Variants in ERLIN1 observed in about 807,000 individuals in gnomAD.
ERLIN1 encodes the protein ER lipid raft associated 1.
A neutral mutation model predicts 46.9 loss-of-function variants in ERLIN1; 24 were observed. The observed-to-expected ratio is 0.51, with a 90% CI of 0.37 to 0.72. ERLIN1 has a LOEUF of 0.72. ERLIN1 is among the 30% of genes least tolerant of loss of function. The pLI is 0.00. For synonymous variants in ERLIN1, 158 were observed against 143.2 expected (o/e 1.10, Z -0.74); for missense variants, 293 against 417.9 (o/e 0.70, Z 2.61).
rs1589567354 is a variant in ERLIN1, at chr10:100,185,913, G to A, written c.-287C>T. On this transcript the variant is annotated 5_prime_UTR_variant, in exon 1 of 11. Coordinates refer to ENST00000421367, the MANE Select transcript of ERLIN1 (RefSeq NM_006459.4). Reference sequence around the variant, plus strand: ...GGTGGAAGGCACTAACTGAGAAGAAGCCCAGCCGCAGGCTCGCGAGGAAAG... The same window carrying A: ...GGTGGAAGGCACTAACTGAGAAGAAACCCAGCCGCAGGCTCGCGAGGAAAG... 1 of 457,328 alleles carries A rather than the reference G, an allele frequency of 2.2e-6. No homozygotes were observed. The allele number at this position is 457,328 out of a possible 1,614,324, so 28.3% of individuals were successfully genotyped here.
At chr10:100,172,331 G>A (rs544678008) in intron 6 of ERLIN1, among the ~76,000 whole-genome samples, 2 of 152,278 alleles carry the variant, frequency 1.3e-5, no homozygotes, top group African/African-American at 4.8e-5. Context: ...GAATAGTCGA[G>A]AAAGATATAA....
At position 100,167,347 on chromosome 10, in the gene ERLIN1, C is replaced by T. The variant is rs1161698243; in HGVS notation, c.563+1G>A. ...ATTGGGATCCCATGCATATTACTCA[C>T]ATTAACTCAAAATTTCTTCTTATGG... On this transcript the variant is annotated splice_donor_variant, in intron 7 of 10. Coordinates refer to ENST00000421367, the MANE Select transcript of ERLIN1 (RefSeq NM_006459.4). LOFTEE classifies it high-confidence loss of function. The T allele has an allele frequency of 4.4e-6, 7 of 1,608,876 alleles. No individual in the cohort carries two copies. Among genetic ancestry groups the T allele is most frequent in the Non-Finnish European group, 6.0e-6 (7 of 1,175,388 alleles).
intron 2 of ERLIN1, among the ~76,000 whole-genome samples, chr10:100,182,718 T>C (rs1291412904): frequency 2.0e-5 from 3 of 152,148 alleles, no homozygotes; most frequent in African/African-American, 7.2e-5. Flanking sequence ...AAATTTACAA[T>C]ATAGACTTTA....
In ERLIN1 at chr10:100,152,056, G is replaced by T; in HGVS notation, c.*75C>A. 2 of 899,960 alleles carry T rather than the reference G, an allele frequency of 2.2e-6. No individual in the cohort carries two copies. Among genetic ancestry groups the T allele is most frequent in the Non-Finnish European group, 3.7e-6 (2 of 542,092 alleles). 55.7% of individuals were successfully genotyped at this position (899,960 alleles called of 1,614,324 possible). A position where few individuals can be genotyped will look rare whatever the true frequency, so the allele number is the denominator to read the frequency against. On this transcript the variant is annotated 3_prime_UTR_variant, in exon 11 of 11. Coordinates refer to ENST00000421367, the MANE Select transcript of ERLIN1 (RefSeq NM_006459.4). ...AGTGTAAGTTCTCTGTAAATCTGAAGAGTCCGTATAATGATTGTTCCCACT... is the reference window on the plus strand; with the variant it reads ...AGTGTAAGTTCTCTGTAAATCTGAATAGTCCGTATAATGATTGTTCCCACT...
chr10:100,154,458 C>T (rs964220075), intron 10 of ERLIN1, among the ~76,000 whole-genome samples: 16 of 152,306 alleles, frequency 1.1e-4, no homozygotes, highest in African/African-American at 3.8e-4. Flanking sequence ...ATGAGATGGT[C>T]TTCAACAATG....
intron 3 of ERLIN1, 104 bp from the exon 4 acceptor site, chr10:100,178,298 T>G (rs1844432989): frequency 1.4e-6 from 1 of 698,260 alleles, no homozygotes; most frequent in Admixed American, 2.6e-5. Context: ...TAATATTCAC[T>G]TAAAACACAG....
chr10:100,159,316 T>C (rs1166200953), intron 8 of ERLIN1, among the ~76,000 whole-genome samples: 1 of 152,132 alleles, frequency 6.6e-6, no homozygotes, highest in Non-Finnish European at 1.5e-5. Flanking sequence ...AAACCCATGG[T>C]CATAGTGGGA....
Position 100,183,763 on chromosome 10 carries a change from G to A in ERLIN1, c.188C>T (p.Ser63Phe). ...IMLPFITTFRSVQTTLQTDEV... is the reference protein window; with the variant it reads ...IMLPFITTFRFVQTTLQTDEV... Reference sequence around the variant, plus strand: ...CCCCTAGGAATCACTCACCTGCACAGATCTGAACGTAGTAATGAAAGGCAA... The same window carrying A: ...CCCCTAGGAATCACTCACCTGCACAAATCTGAACGTAGTAATGAAAGGCAA... Residue 63 changes from serine to phenylalanine, a missense_variant, in exon 2 of 11, where the codon TCT becomes TTT. This residue lies in a region of ERLIN1 where 76 missense variants were observed against 77.0 expected (regional missense o/e 0.99). Coordinates refer to ENST00000421367, the MANE Select transcript of ERLIN1 (RefSeq NM_006459.4). 6.2e-7 allele frequency: 1 copy of A among 1,611,586 alleles called. No homozygotes were observed. Among genetic ancestry groups the A allele is most frequent in the Non-Finnish European group, 8.5e-7 (1 of 1,177,832 alleles).
chr10:100,183,814 G>A lies in ERLIN1; in HGVS notation c.137C>T (p.Pro46Leu). The A allele has an allele frequency of 6.2e-7, 1 of 1,613,064 alleles. No individual in the cohort carries two copies. Among genetic ancestry groups the A allele is most frequent in the Non-Finnish European group, 8.5e-7 (1 of 1,179,324 alleles). The change falls in exon 2 of 11, where the codon CCC (proline) becomes CTC (leucine). Residue 46 changes from proline (P) to leucine (L), a missense_variant. By Grantham distance (98) the Pro-to-Leu change is moderately conservative (BLOSUM62 -3). This residue lies in a region of ERLIN1 where 76 missense variants were observed against 77.0 expected (regional missense o/e 0.99). Coordinates refer to ENST00000421367, the MANE Select transcript of ERLIN1 (RefSeq NM_006459.4). ...CATGATATGATAGCCTGGTCCACTG[G>A]GGCTAGTTAGTAAAGCTCCTCCCCT... ...YYRGGALLTSPSGPGYHIMLP... is the reference protein window; with the variant it reads ...YYRGGALLTSLSGPGYHIMLP...
rs894269046 is a variant in ERLIN1, at chr10:100,150,751, A to G, written c.*1380T>C. The G allele has an allele frequency of 2.0e-5, 3 of 152,478 alleles. No homozygotes were observed. Among genetic ancestry groups the G allele is most frequent in the Non-Finnish European group, 4.4e-5 (3 of 68,034 alleles). The allele number at this position is 152,478 out of a possible 1,614,324, so 9.4% of individuals were successfully genotyped here. On this transcript the variant is annotated 3_prime_UTR_variant, in exon 11 of 11. Coordinates refer to ENST00000421367, the MANE Select transcript of ERLIN1 (RefSeq NM_006459.4). ...TGAGCTTCAACATAGCGTACACAAGAGTTGTCTTAACAAGCTGCACAAACT... is the reference window on the plus strand; with the variant it reads ...TGAGCTTCAACATAGCGTACACAAGGGTTGTCTTAACAAGCTGCACAAACT...
chr10:100,171,743 C>G (rs1844010155), intron 6 of ERLIN1, among the ~76,000 whole-genome samples: 1 of 152,024 alleles, frequency 6.6e-6, no homozygotes, highest in South Asian at 2.1e-4. Flanking sequence ...TTAGAAAAAC[C>G]ATTAACTACA....
In ERLIN1 at chr10:100,152,028, T is replaced by C; in HGVS notation, c.*103A>G. 1.3e-6 allele frequency: 1 copy of C among 778,296 alleles called. No homozygotes were observed. The highest frequency in any genetic ancestry group is 1.5e-5 in the South Asian group (1 of 68,438). The allele number at this position is 778,296 out of a possible 1,614,324, so 48.2% of individuals were successfully genotyped here. On this transcript the variant is annotated 3_prime_UTR_variant, in exon 11 of 11. Transcript: ENST00000421367. Reference sequence around the variant, plus strand: ...ACTATCGCAGGAGAGGTGGAACAGATGAAGTGTAAGTTCTCTGTAAATCTG... The same window carrying C: ...ACTATCGCAGGAGAGGTGGAACAGACGAAGTGTAAGTTCTCTGTAAATCTG...
At chr10:100,176,105 C>T (rs938234005) in intron 4 of ERLIN1, 35 bp from the exon 5 acceptor site, 1 of 1,585,938 alleles carries the variant, frequency 6.3e-7, no homozygotes, top group Non-Finnish European at 8.6e-7. Flanking sequence ...TTGTTTTACC[C>T]AACAATGACA....
At chr10:100,155,812 C>A (rs1843053777) in intron 9 of ERLIN1, among the ~76,000 whole-genome samples, 1 of 152,214 alleles carries the variant, frequency 6.6e-6, no homozygotes, top group East Asian at 1.9e-4. Context: ...CGGCGCCCGG[C>A]CAGAGATGGG....
At chr10:100,155,971 G>A (rs943709226) in intron 9 of ERLIN1, among the ~76,000 whole-genome samples, 174 bp downstream of exon 9, 2 of 152,192 alleles carry the variant, frequency 1.3e-5, no homozygotes, top group African/African-American at 2.4e-5. Context: ...CCAAAAGCTG[G>A]AAATGTGATA....
intron 6 of ERLIN1, among the ~76,000 whole-genome samples, chr10:100,171,537 C>CT (rs1256869245): frequency 6.6e-6 from 1 of 152,056 alleles, no homozygotes; most frequent in East Asian, 1.9e-4. Context: ...TCCCAAGTAG[C>CT]TGGGACTACA....
At chr10:100,155,458 T>G (rs956278568) in intron 9 of ERLIN1, among the ~76,000 whole-genome samples, 6 of 134,048 alleles carry the variant, frequency 4.5e-5, no homozygotes, top group African/African-American at 1.1e-4. Flanking sequence ...ATTAATTTTG[T>G]TTTTTTTTTG....
chr10:100,154,282 A>G (rs758519544), intron 10 of ERLIN1, among the ~76,000 whole-genome samples: 12 of 152,220 alleles, frequency 7.9e-5, no homozygotes, highest in Non-Finnish European at 1.5e-4. Flanking sequence ...GTTATCCCAC[A>G]TGAAATTCCT....
rs544217885 is a variant in ERLIN1, at chr10:100,151,829, T to C, written c.*302A>G. 1.7e-4 allele frequency: 71 copies of C among 411,044 alleles called. 1 individual carries two copies. Among genetic ancestry groups the C allele is most frequent in the African/African-American group, 1.3e-3 (66 of 49,290 alleles). The allele number at this position is 411,044 out of a possible 1,614,324, so 25.5% of individuals were successfully genotyped here. A position where few individuals can be genotyped will look rare whatever the true frequency, so the allele number is the denominator to read the frequency against. ...CAGCTTAGGAAAACACAGCTTGTTATATATTTAGTGTTTAACATTCCAGTG... is the reference window on the plus strand; with the variant it reads ...CAGCTTAGGAAAACACAGCTTGTTACATATTTAGTGTTTAACATTCCAGTG... On this transcript the variant is annotated 3_prime_UTR_variant, in exon 11 of 11. Transcript: ENST00000421367.
Sources: allele counts gnomAD v4.1 joint callset (sites outside exome capture counted in the v4.1 genomes callset), GRCh38; gene constraint gnomAD v4.1.1; regional missense constraint gnomAD v4.1.1; transcripts MANE v1.5; gene names NCBI Gene and HGNC (gene_info 2026-07-23, HGNC 2026-07-21).